NTRK2: variants seen among roughly 807,000 people sequenced by gnomAD.
NTRK2 encodes BDNF/NT-3 growth factors receptor.
NTRK2 carries 13 observed loss-of-function variants against 94.5 expected under a neutral mutation model. The ratio of observed to expected loss-of-function variants is 0.14; its 90% CI spans 0.09 to 0.22. The LOEUF (loss-of-function observed/expected upper bound fraction) is 0.22. Among genes scored for constraint, NTRK2 ranks in the 10% least tolerant of loss-of-function variants. The pLI is 1.00. For synonymous variants in NTRK2, 372 were observed against 407.4 expected (o/e 0.91, Z 1.05); for missense variants, 639 against 1,071.2 (o/e 0.60, Z 5.63).
At chr9:84,733,298 A>G (rs2063020550) in intron 9 of NTRK2, among the ~76,000 whole-genome samples, 1 of 152,218 alleles carries the variant, frequency 6.6e-6, no homozygotes, top group Non-Finnish European at 1.5e-5. Context: ...TTCCAAGGAC[A>G]TAGGTCCAGT....
chr9:84,852,376 C>A (rs191325723), intron 12 of NTRK2, among the ~76,000 whole-genome samples: 1 of 152,326 alleles, frequency 6.6e-6, no homozygotes, highest in East Asian at 1.9e-4. Context: ...CCAGACATCA[C>A]CTGCCTTCCC....
At chr9:84,712,828 G>A (rs1038476951) in intron 6 of NTRK2, among the ~76,000 whole-genome samples, 27 of 152,164 alleles carry the variant, frequency 1.8e-4, no homozygotes, top group African/African-American at 5.3e-4. Flanking sequence ...TAACCATTAC[G>A]TGAAATTCAT....
intron 12 of NTRK2, chr9:84,815,161 C>A (rs181758025): frequency 1.9e-6 from 2 of 1,057,570 alleles, no homozygotes; most frequent in Admixed American, 5.4e-5. Context: ...AAAAGAACGT[C>A]CCAGCCACCT....
intron 12 of NTRK2, among the ~76,000 whole-genome samples, chr9:84,827,628 A>G (rs548124663): frequency 2.0e-5 from 3 of 152,356 alleles, no homozygotes; most frequent in East Asian, 1.9e-4. Context: ...TAGGCTGCCA[A>G]TCTGTAACCC....
At chr9:84,773,714 G>C (rs758375336) in intron 12 of NTRK2, among the ~76,000 whole-genome samples, 73 of 152,102 alleles carry the variant, frequency 4.8e-4, no homozygotes, top group Non-Finnish European at 6.0e-4. Flanking sequence ...GTTTATGATA[G>C]CCAGTTTCTA....
At chr9:84,672,204 T>A (rs1166028648) in intron 2 of NTRK2, among the ~76,000 whole-genome samples, 1 of 152,212 alleles carries the variant, frequency 6.6e-6, no homozygotes, top group Non-Finnish European at 1.5e-5. Context: ...CTCTGTTGCC[T>A]GTTCTGCTGC....
At chr9:84,784,139 G>C (rs1034340284) in intron 12 of NTRK2, among the ~76,000 whole-genome samples, 8 of 152,194 alleles carry the variant, frequency 5.3e-5, no homozygotes, top group African/African-American at 1.9e-4. Context: ...AGTCAGATGA[G>C]TCTGAGTTCA....
At chr9:84,882,697 A>AGTGTGTGTGTGT (rs71847053) in intron 14 of NTRK2, among the ~76,000 whole-genome samples, 302 of 149,794 alleles carry the variant, frequency 2.0e-3, no homozygotes, top group African/African-American at 7.1e-3. Context: ...CTTTTGTTCT[A>AGTGTGTGTGTGT]GTGTGTGTGT....
rs201225877 is a variant in NTRK2, at chr9:84,702,390, A to G, written c.330A>G (p.Ala110=). Residue 110 remains alanine (A), a synonymous_variant, in exon 4 of 19, where the codon GCA becomes GCG. Coordinates refer to ENST00000277120, the MANE Select transcript of NTRK2 (RefSeq NM_006180.6). Reference sequence around the variant, plus strand: ...GATTAAAATTTGTGGCTCATAAAGCATTTCTGAAAAACAGCAACCTGCAGC... The same window carrying G: ...GATTAAAATTTGTGGCTCATAAAGCGTTTCTGAAAAACAGCAACCTGCAGC... ...DSGLKFVAHK[A]FLKNSNLQHI... is the part of the protein sequence containing the mutation. 131 of 1,614,198 alleles carry G rather than the reference A, an allele frequency of 8.1e-5. 2 individuals carry two copies. Among genetic ancestry groups the G allele is most frequent in the South Asian group, 1.1e-4 (10 of 91,086 alleles).
At chr9:84,782,813 T>C (rs976395704) in intron 12 of NTRK2, among the ~76,000 whole-genome samples, 6 of 152,182 alleles carry the variant, frequency 3.9e-5, no homozygotes, top group African/African-American at 1.2e-4. Context: ...GACTTAGAGA[T>C]ATGTTAATGG....
At chr9:84,865,310 GCAGCTTCAATGCACATC>G (rs1287574420) in intron 13 of NTRK2, among the ~76,000 whole-genome samples, 2 of 152,142 alleles carry the variant, frequency 1.3e-5, no homozygotes, top group Admixed American at 1.3e-4. Context: ...ATCATTAAAG[GCAGCTTCAATGCACATC>G]CCCTTGAGAG....
intron 17 of NTRK2, among the ~76,000 whole-genome samples, chr9:85,011,055 A>C (rs1041740468): frequency 2.6e-5 from 4 of 152,108 alleles, no homozygotes; most frequent in African/African-American, 9.7e-5. Context: ...GGGAACCTGC[A>C]AAGGGGTGTG....
intron 17 of NTRK2, among the ~76,000 whole-genome samples, chr9:84,955,950 G>C (rs376226391): frequency 6.6e-6 from 1 of 152,168 alleles, no homozygotes; most frequent in Non-Finnish European, 1.5e-5. Context: ...GGGGGACGCA[G>C]GTCAGCCCAT....
At chr9:85,011,508 T>G (rs1160888051) in intron 17 of NTRK2, among the ~76,000 whole-genome samples, 1 of 152,160 alleles carries the variant, frequency 6.6e-6, no homozygotes, top group Non-Finnish European at 1.5e-5. Context: ...ATAAGATTAG[T>G]GTTCTCATGG....
intron 17 of NTRK2, among the ~76,000 whole-genome samples, chr9:85,020,003 A>AT (rs1156917878): frequency 6.6e-6 from 1 of 152,100 alleles, no homozygotes; most frequent in Admixed American, 6.5e-5. Context: ...TGCAGATAAT[A>AT]TTTTTTTAAA....
intron 12 of NTRK2, among the ~76,000 whole-genome samples, chr9:84,841,433 A>G (rs1414353746): frequency 6.6e-6 from 1 of 152,024 alleles, no homozygotes; most frequent in African/African-American, 2.4e-5. Flanking sequence ...CTAGACTCCA[A>G]CTGCTTTGCT....
chr9:84,975,182 C>T (rs1826674372), intron 17 of NTRK2, among the ~76,000 whole-genome samples: 1 of 152,096 alleles, frequency 6.6e-6, no homozygotes, highest in Admixed American at 6.6e-5. Context: ...AAGACATTCT[C>T]ACCCTGGGAC....
intron 2 of NTRK2, among the ~76,000 whole-genome samples, chr9:84,695,075 C>CAA (rs2060295511): frequency 7.7e-6 from 1 of 129,192 alleles, no homozygotes; most frequent in African/African-American, 2.9e-5. Flanking sequence ...AAAAAAAAAA[C>CAA]ACACAACAAA....
At chr9:84,915,057 C>T (rs150284001) in intron 14 of NTRK2, among the ~76,000 whole-genome samples, 20 of 152,178 alleles carry the variant, frequency 1.3e-4, no homozygotes, top group Admixed American at 1.2e-3. Context: ...AATCTAGATC[C>T]GTCGTATGCG....
Sources: gnomAD v4.1 joint callset for allele counts (sites outside exome capture counted in the v4.1 genomes callset) on GRCh38, gnomAD v4.1.1 for gene constraint, MANE v1.5 for transcripts, NCBI Gene and HGNC (gene_info 2026-07-23, HGNC 2026-07-21) for gene names.